NSD3: variants seen among roughly 807,000 people sequenced by gnomAD.
NSD3 encodes the protein nuclear receptor binding SET domain protein 3, also known as histone-lysine N-methyltransferase NSD3.
NSD3 carries 24 observed loss-of-function variants against 160.8 expected under a neutral mutation model. The ratio of observed to expected loss-of-function variants is 0.15; its 90% confidence interval spans 0.11 to 0.21. NSD3 has a LOEUF of 0.21. Among genes scored for constraint, NSD3 ranks in the 10% least tolerant of loss-of-function variants. The pLI is 1.00. For synonymous variants in NSD3, 520 were observed against 600.0 expected (o/e 0.87, Z 1.95); for missense variants, 1,157 against 1,735.9 (o/e 0.67, Z 5.93).
intron 1 of NSD3, chr8:38,380,771 G>A (rs1811523886): frequency 1.3e-5 from 2 of 152,194 alleles, no homozygotes; most frequent in Admixed American, 1.3e-4. Flanking sequence ...GGGGCTAACA[G>A]TCTGAATTGG....
rs2131022935 is a variant in NSD3, at chr8:38,317,158, A to ATAG, written c.1856-1119_1856-1117dup. 2 of 1,063,408 alleles carry ATAG rather than the reference A, an allele frequency of 1.9e-6. No homozygotes were observed. The highest frequency in any genetic ancestry group is 2.3e-6 in the Non-Finnish European group (2 of 877,940). The allele number at this position is 1,063,408 out of a possible 1,614,324, so 65.9% of individuals were successfully genotyped here. Reference sequence around the variant, plus strand: ...GCTGAGTGAGAGTAGCACTTGGAACATAGCCACGTTCTGTGGTGGAGGAGG... The same window carrying ATAG: ...GCTGAGTGAGAGTAGCACTTGGAACATAGTAGCCACGTTCTGTGGTGGAGGAGG... On this transcript the variant is annotated intron_variant, in intron 9 of 23. Coordinates refer to ENST00000317025, the MANE Select transcript of NSD3 (RefSeq NM_023034.2). This position sits in a 1 kb window ranked among gnomAD's most constrained non-coding sequence, Gnocchi z 5.3.
intron 12 of NSD3, among the ~76,000 whole-genome samples, chr8:38,306,358 A>G (rs1038880047): frequency 2.0e-5 from 3 of 152,132 alleles, no homozygotes; most frequent in African/African-American, 7.2e-5. Flanking sequence ...AATAAACAGG[A>G]CATATGAATA....
intron 1 of NSD3, among the ~76,000 whole-genome samples, chr8:38,349,599 T>C (rs567942304): frequency 6.7e-6 from 1 of 150,056 alleles, no homozygotes; most frequent in South Asian, 2.1e-4. Context: ...TGAACTCTCA[T>C]ACCAATAGTG....
chr8:38,375,672 CTT>C (rs1032580120), intron 1 of NSD3, among the ~76,000 whole-genome samples: 40 of 151,800 alleles, frequency 2.6e-4, no homozygotes, highest in Admixed American at 3.9e-4. Flanking sequence ...TTATTTATAA[CTT>C]ATAAATATAA....
At chr8:38,348,279 T>A in intron 1 of NSD3, 64 bp from the exon 2 acceptor site, 1 of 1,289,514 alleles carries the variant, frequency 7.8e-7, no homozygotes, top group Non-Finnish European at 1.0e-6. Flanking sequence ...GCTAATCAAC[T>A]GAAAAAGGAT....
intron 21 of NSD3, among the ~76,000 whole-genome samples, chr8:38,279,200 A>G (rs1160134625): frequency 6.6e-6 from 1 of 152,268 alleles, no homozygotes; most frequent in African/African-American, 2.4e-5. Context: ...TGTTTTAAAA[A>G]GAAAACAACA....
At chr8:38,336,984 A>C (rs1363697019) in intron 4 of NSD3, among the ~76,000 whole-genome samples, 1 of 152,112 alleles carries the variant, frequency 6.6e-6, no homozygotes, top group African/African-American at 2.4e-5. Flanking sequence ...TGTATTAAAA[A>C]TACAAAAACT....
Position 38,329,314 on chromosome 8 carries a change from A to G in NSD3, c.1581+64T>C. Reference sequence around the variant, plus strand: ...AAATTATGCCAAGGTCATTGTTTTAAATGCCAAGGTTGACCACTTTTAAAA... The same window carrying G: ...AAATTATGCCAAGGTCATTGTTTTAGATGCCAAGGTTGACCACTTTTAAAA... On this transcript the variant is annotated intron_variant, in intron 6 of 23. Transcript: ENST00000317025. This position sits in a 1 kb window ranked among gnomAD's most constrained non-coding sequence, Gnocchi z 4.8. 6.5e-7 allele frequency: 1 copy of G among 1,532,884 alleles called. No homozygotes were observed. The highest frequency in any genetic ancestry group is 2.0e-5 in the Admixed American group (1 of 49,724). The allele number at this position is 1,532,884 out of a possible 1,614,324, so 95.0% of individuals were successfully genotyped here.
chr8:38,299,446 T>C lies in NSD3; in HGVS notation c.2756A>G (p.Lys919Arg). 3 of 1,609,448 alleles carry C rather than the reference T, an allele frequency of 1.9e-6. 1 individual carries two copies. Among genetic ancestry groups the C allele is most frequent in the Non-Finnish European group, 2.5e-6 (3 of 1,178,798 alleles). ...SSSASKKKCE[K>R]GGRLLCCESC... is the part of the protein sequence containing the mutation. The stretch of plus-strand genomic sequence containing the variant: ...AGAGAAACTATTTTGATTATTACCT[T>C]TCTCACATTTCTTTTTGGAAGCTGA... The change falls in exon 15 of 24, where the codon AAA (lysine) becomes AGA (arginine). Residue 919 changes from lysine to arginine, a missense_variant and splice_region_variant. Physicochemically the swap from Lys to Arg is conservative, Grantham distance 26. Transcript: ENST00000317025.
intron 6 of NSD3, among the ~76,000 whole-genome samples, chr8:38,328,509 C>A (rs1323830076): frequency 1.3e-5 from 2 of 152,104 alleles, no homozygotes; most frequent in African/African-American, 4.8e-5. Context: ...ATGGGCAGAC[C>A]AGGTTAAAAG....
At position 38,319,451 on chromosome 8, in the gene NSD3, G is replaced by A. The variant is rs1809745743; in HGVS notation, c.1810-511C>T. On this transcript the variant is annotated intron_variant, in intron 8 of 23. Coordinates refer to ENST00000317025, the MANE Select transcript of NSD3 (RefSeq NM_023034.2). This position sits in a 1 kb window ranked among gnomAD's most constrained non-coding sequence, Gnocchi z 4.1. ...AGTGCTACAGGGCTCCATACAGCTG[G>A]AAGCTCAATACTTTTGCTGCTAGTA... is the stretch of plus-strand genomic sequence containing the variant. Among the ~76,000 whole-genome samples the A allele has an allele frequency of 6.6e-6, 1 of 152,194 alleles. No homozygotes were observed. The highest frequency in any genetic ancestry group is 6.5e-5 in the Admixed American group (1 of 15,274).
In NSD3 at chr8:38,381,774, ATACACACAC is replaced by A. The variant is rs1811586224; in HGVS notation, c.-45+16_-45+24del. ...CACACACACACACACACACACACACATACACACACGCACACGCACTTTACCTTCAGTTTG... is the reference window on the plus strand; with the variant it reads ...CACACACACACACACACACACACACAGCACACGCACTTTACCTTCAGTTTG... On this transcript the variant is annotated intron_variant, in intron 1 of 23. Transcript: ENST00000317025. 7.3e-6 allele frequency: 1 copy of A among 137,790 alleles called. No individual in the cohort carries two copies. The highest frequency in any genetic ancestry group is 1.6e-5 in the Non-Finnish European group (1 of 62,154). 8.5% of individuals were successfully genotyped at this position (137,790 alleles called of 1,614,324 possible).
chr8:38,287,707 C>T (rs1808897463), intron 19 of NSD3, among the ~76,000 whole-genome samples: 1 of 150,278 alleles, frequency 6.7e-6, no homozygotes, highest in African/African-American at 2.5e-5. Flanking sequence ...GGCTAGAGTG[C>T]GGTGGCACGA....
chr8:38,278,434 T>G, intron 21 of NSD3, 22 bp from the exon 22 acceptor site: 1 of 1,585,736 alleles, frequency 6.3e-7, no homozygotes, highest in South Asian at 1.1e-5. Flanking sequence ...GAGAAATAAT[T>G]ATTCAAACTC....
rs182563178 is a variant in NSD3, at chr8:38,325,637, C to T, written c.1708+1093G>A. Among the ~76,000 whole-genome samples the T allele has an allele frequency of 6.6e-5, 10 of 152,262 alleles. No homozygotes were observed. The East Asian group carries it at 1.5e-3, about 23-fold the overall frequency. Reference sequence around the variant, plus strand: ...CTATAATCCCAGCACACTGGGAGGCCGAGGCAGGTAGATCGCTTGAATCCA... The same window carrying T: ...CTATAATCCCAGCACACTGGGAGGCTGAGGCAGGTAGATCGCTTGAATCCA... On this transcript the variant is annotated intron_variant, in intron 7 of 23. Transcript: ENST00000317025.
At chr8:38,350,895 G>A (rs996039784) in intron 1 of NSD3, among the ~76,000 whole-genome samples, 1 of 151,814 alleles carries the variant, frequency 6.6e-6, no homozygotes, top group African/African-American at 2.4e-5. Context: ...TTTGACACGT[G>A]CACATCACAG....
At chr8:38,352,172 CAAAT>C (rs976326998) in intron 1 of NSD3, among the ~76,000 whole-genome samples, 4 of 152,040 alleles carry the variant, frequency 2.6e-5, no homozygotes, top group Admixed American at 6.6e-5. Flanking sequence ...AATAATAAAA[CAAAT>C]AACCCCAAAC....
intron 1 of NSD3, among the ~76,000 whole-genome samples, chr8:38,369,966 G>GT (rs1811202438): frequency 6.6e-6 from 1 of 151,930 alleles, no homozygotes; most frequent in Non-Finnish European, 1.5e-5. Flanking sequence ...GCTAATTTTT[G>GT]TATTTTTAGT....
intron 2 of NSD3, among the ~76,000 whole-genome samples, chr8:38,342,366 AAAGAG>A (rs954554844): frequency 1.3e-5 from 2 of 152,190 alleles, no homozygotes; most frequent in African/African-American, 2.4e-5. Flanking sequence ...GCTTTGTCAG[AAAGAG>A]AAAACATCAG....
Sources: gnomAD v4.1 joint callset for allele counts (sites outside exome capture counted in the v4.1 genomes callset) on GRCh38, gnomAD v4.1.1 for gene constraint, Gnocchi (gnomAD v3.1) non-coding constraint, MANE v1.5 for transcripts, NCBI Gene and HGNC (gene_info 2026-07-23, HGNC 2026-07-21) for gene names.